ROGDI: variants seen among roughly 807,000 people sequenced by gnomAD.
The protein encoded by ROGDI is rogdi atypical leucine zipper.
ROGDI carries 46 observed loss-of-function variants against 43.1 expected under a neutral mutation model. The ratio of observed to expected loss-of-function variants is 1.07; its 90% CI spans 0.84 to 1.37. ROGDI has a LOEUF of 1.37. Ranked by LOEUF, ROGDI falls within the 40% of genes most tolerant of loss-of-function variation. The pLI is 0.00. For synonymous variants in ROGDI, 243 were observed against 162.0 expected (o/e 1.50, Z -3.80); for missense variants, 518 against 383.9 (o/e 1.35, Z -2.92).
At chr16:4,798,783 G>A (rs969879858) in intron 6 of ROGDI, 116 bp from the exon 7 acceptor site, 9 of 845,694 alleles carry the variant, frequency 1.1e-5, no homozygotes, top group South Asian at 1.5e-5. Context: ...CCCAGGTCCC[G>A]AAACCCGGCA....
At chr16:4,801,868 A>C (rs965445736) in intron 2 of ROGDI, 2 of 575,390 alleles carry the variant, frequency 3.5e-6, no homozygotes, top group Non-Finnish European at 6.3e-6. Flanking sequence ...TGAGGGGGAA[A>C]GGGGCAAGGG....
intron 8 of ROGDI, 22 bp downstream of exon 8, chr16:4,798,049 C>G (rs1168765040): frequency 2.5e-6 from 4 of 1,613,294 alleles, no homozygotes; most frequent in Non-Finnish European, 3.4e-6. Flanking sequence ...GGGCAGTGGG[C>G]CGGGCAGGGG....
chr16:4,801,108 G>A (rs1164973872), intron 4 of ROGDI, 159 bp downstream of exon 4: 2 of 582,894 alleles, frequency 3.4e-6, no homozygotes, highest in Non-Finnish European at 5.9e-6. Context: ...GATCCCGGGA[G>A]AAGGTGTGAG....
intron 2 of ROGDI, 32 bp from the exon 3 acceptor site, chr16:4,801,617 A>G (rs769796781): frequency 2.6e-6 from 4 of 1,559,892 alleles, no homozygotes; most frequent in African/African-American, 2.7e-5. Context: ...GGGAGCTGGT[A>G]GCGCCCACTC....
chr16:4,797,219 T>C lies in ROGDI; in HGVS notation c.*241A>G, dbSNP rs2141903992. 3 of 488,150 alleles carry C rather than the reference T, an allele frequency of 6.1e-6. No homozygotes were observed. Among genetic ancestry groups the C allele is most frequent in the Middle Eastern group, 5.8e-4 (1 of 1,724 alleles). The allele number at this position is 488,150 out of a possible 1,614,324, so 30.2% of individuals were successfully genotyped here. On this transcript the variant is annotated 3_prime_UTR_variant, in exon 11 of 11. Coordinates refer to ENST00000322048, the MANE Select transcript of ROGDI (RefSeq NM_024589.3). Reference sequence around the variant, plus strand: ...TTCCCATGGTGATCAGAGGGCGGTGTTGGGAATGTGGGACACCCTTGGCCC... The same window carrying C: ...TTCCCATGGTGATCAGAGGGCGGTGCTGGGAATGTGGGACACCCTTGGCCC...
rs571018862 is a variant in ROGDI at position 4,798,570 on chromosome 16, G to A, written c.530C>T (p.Thr177Met). 2.1e-5 allele frequency: 33 copies of A among 1,553,628 alleles called. No individual in the cohort carries two copies. The highest frequency in any genetic ancestry group is 1.7e-4 in the Middle Eastern group (1 of 5,918). Residue 177 changes from threonine to methionine, a missense_variant and splice_region_variant, in exon 7 of 11, where the codon ACG becomes ATG. Thr to Met is a moderately conservative substitution (Grantham distance 81). Coordinates refer to ENST00000322048, the MANE Select transcript of ROGDI (RefSeq NM_024589.3). ...TLPEIAASGL[T>M]RMFAPALPSD... ...GCAGGGGCTGGCAGGGGCACTGACC[G>A]TGAGGCCGCTGGCGGCGATCTCGGG...
At chr16:4,799,605 G>A (rs897081620) in intron 6 of ROGDI, 81 bp downstream of exon 6, 26 of 999,362 alleles carry the variant, frequency 2.6e-5, no homozygotes, top group Non-Finnish European at 3.8e-5. Flanking sequence ...CAACGTGGAG[G>A]CCCTGGGATT....
Position 4,799,694 on chromosome 16 carries a change from C to T in ROGDI, c.424G>A (p.Val142Ile), listed in dbSNP as rs1255273555. The T allele has an allele frequency of 3.7e-6, 6 of 1,612,620 alleles. No homozygotes were observed. Among genetic ancestry groups the T allele is most frequent in the Non-Finnish European group, 5.1e-6 (6 of 1,179,202 alleles). The part of the protein sequence containing the change: ...QSYQFKTGAE[V>I]LKLMDAVMLQ... ...GCCCGGGGGCAGCTCACCTTGAGGACCTCAGCGCCCGTCTTGAACTGGTAG... is the reference window on the plus strand; with the variant it reads ...GCCCGGGGGCAGCTCACCTTGAGGATCTCAGCGCCCGTCTTGAACTGGTAG... The change falls in exon 6 of 11, where the codon GTC becomes ATC. Residue 142 changes from valine to isoleucine, a missense_variant. Physicochemically the swap from Val to Ile is conservative, Grantham distance 29. Coordinates refer to ENST00000322048, the MANE Select transcript of ROGDI (RefSeq NM_024589.3).
At chr16:4,800,079 C>T (rs1007118646) in intron 5 of ROGDI, among the ~76,000 whole-genome samples, 2 of 152,128 alleles carry the variant, frequency 1.3e-5, no homozygotes, top group African/African-American at 4.8e-5. Flanking sequence ...GGCAAGGGTG[C>T]TGAGATGGAG....
intron 4 of ROGDI, 38 bp from the exon 5 acceptor site, chr16:4,800,616 G>C: frequency 6.7e-7 from 1 of 1,487,450 alleles, no homozygotes; most frequent in Non-Finnish European, 9.2e-7. Flanking sequence ...GCAGTGGGGG[G>C]GCACCTCCTG....
At position 4,797,792 on chromosome 16, in the gene ROGDI, C is replaced by T. The variant is rs1308521592; in HGVS notation, c.744G>A (p.Glu248=). ...RLEVSHVHKV[E]CVIPWLNDAL... is the part of the protein sequence containing the mutation. ...CGTCGTTGAGCCAGGGGATCACGCA[C>T]TCCACTTTGTGCACGTGGCTCACCT... The change falls in exon 10 of 11, where the codon GAG becomes GAA. Residue 248 remains glutamate (E), a synonymous_variant. Transcript: ENST00000322048. 3 of 1,613,560 alleles carry T rather than the reference C, an allele frequency of 1.9e-6. No homozygotes were observed. Among genetic ancestry groups the T allele is most frequent in the South Asian group, 2.2e-5 (2 of 91,092 alleles).
In ROGDI at chr16:4,797,145, G is replaced by A. The variant is rs1226239577; in HGVS notation, c.*315C>T. 13 of 324,172 alleles carry A rather than the reference G, an allele frequency of 4.0e-5. No homozygotes were observed. The highest frequency in any genetic ancestry group is 2.1e-4 in the African/African-American group (10 of 47,140). 20.1% of individuals were successfully genotyped at this position (324,172 alleles called of 1,614,324 possible). On this transcript the variant is annotated 3_prime_UTR_variant, in exon 11 of 11. Coordinates refer to ENST00000322048, the MANE Select transcript of ROGDI (RefSeq NM_024589.3). The stretch of plus-strand genomic sequence containing the variant: ...CCCTCCAGGGGGAGGGGACAGCGAA[G>A]GGGAGAGGAGGGAGAGCCCTGCGCC...
At chr16:4,798,479 G>T (rs2082681226) in intron 7 of ROGDI, 90 bp downstream of exon 7, 3 of 1,004,566 alleles carry the variant, frequency 3.0e-6, no homozygotes, top group Non-Finnish European at 4.3e-6. Context: ...TATAATCTGG[G>T]AGTGGCACCC....
chr16:4,799,343 C>T (rs552129770), intron 6 of ROGDI, among the ~76,000 whole-genome samples: 42 of 152,176 alleles, frequency 2.8e-4, no homozygotes, highest in Non-Finnish European at 4.7e-4. Context: ...GGTGAACCAC[C>T]GGAGGACACA....
Position 4,802,616 on chromosome 16 carries a change from C to G in ROGDI, c.-45G>C, listed in dbSNP as rs1373374125. The G allele has an allele frequency of 7.8e-7, 1 of 1,288,406 alleles. No homozygotes were observed. Among genetic ancestry groups the G allele is most frequent in the Non-Finnish European group, 9.9e-7 (1 of 1,014,368 alleles). 79.8% of individuals were successfully genotyped at this position (1,288,406 alleles called of 1,614,324 possible). A position where few individuals can be genotyped will look rare whatever the true frequency, so the allele number is the denominator to read the frequency against. ...GCGCCCTCCCCACCGGCCGCTGCTC[C>G]TGTCCACCAATCTTTCTGTCCTCGG... On this transcript the variant is annotated 5_prime_UTR_variant, in exon 1 of 11. Coordinates refer to ENST00000322048, the MANE Select transcript of ROGDI (RefSeq NM_024589.3).
In ROGDI at chr16:4,799,057, G is replaced by C. The variant is rs116299268; in HGVS notation, c.433-390C>G. 5.4e-3 allele frequency among the ~76,000 whole-genome samples: 817 copies of C among 151,856 alleles called. 8 individuals carry two copies. The highest frequency in any genetic ancestry group is 0.019 in the African/African-American group (771 of 41,162). On this transcript the variant is annotated intron_variant, in intron 6 of 10. Transcript: ENST00000322048. ...TGGATGACTGGGTTGAGGTTTTCAGGGGGGTAAGCCAGGGTCACGGCTGAT... is the reference window on the plus strand; with the variant it reads ...TGGATGACTGGGTTGAGGTTTTCAGCGGGGTAAGCCAGGGTCACGGCTGAT...
chr16:4,798,268 C>A (rs1375999474), intron 7 of ROGDI, 84 bp from the exon 8 acceptor site: 12 of 1,150,994 alleles, frequency 1.0e-5, no homozygotes, highest in Admixed American at 2.0e-5. Context: ...CTCATGGAGT[C>A]TGCAGGGGAT....
intron 9 of ROGDI, 22 bp downstream of exon 9, chr16:4,797,916 C>T (rs200889027): frequency 1.0e-4 from 163 of 1,596,822 alleles, no homozygotes; most frequent in Non-Finnish European, 1.3e-4. Flanking sequence ...CGTGCCTGGA[C>T]CCCCCGCCCC....
At chr16:4,798,721 G>C in intron 6 of ROGDI, 54 bp from the exon 7 acceptor site, 1 of 1,407,986 alleles carries the variant, frequency 7.1e-7, no homozygotes, top group Non-Finnish European at 9.7e-7. Context: ...CATGCATTAA[G>C]GAACAACAGA....
Sources: allele counts gnomAD v4.1 joint callset (sites outside exome capture counted in the v4.1 genomes callset), GRCh38; gene constraint gnomAD v4.1.1; transcripts MANE v1.5; gene names NCBI Gene and HGNC (gene_info 2026-07-23, HGNC 2026-07-21).